Variants in SATB2 observed in about 807,000 individuals in gnomAD.
SATB2 encodes the protein DNA-binding protein SATB2.
Under a neutral mutation model 73.4 loss-of-function variants are expected in SATB2, and 1 was observed. The observed-to-expected ratio is 0.01, with a 90% CI of 0.00 to 0.06. The LOEUF (loss-of-function observed/expected upper bound fraction) is 0.06. Among genes scored for constraint, SATB2 ranks in the 10% least tolerant of loss-of-function variants. The probability of loss-of-function intolerance (pLI) is 1.00; values close to 1 mark genes in which losing one functional copy is unlikely to be tolerated. For synonymous variants in SATB2, 397 were observed against 367.0 expected (o/e 1.08, Z -0.93); for missense variants, 459 against 945.8 (o/e 0.49, Z 6.75).
At chr2:199,458,935 T>C (rs1361028533), upstream of SATB2, among the ~76,000 whole-genome samples, 1 of 151,896 alleles carries the variant, frequency 6.6e-6, no homozygotes, top group African/African-American at 2.4e-5. Context: ...GGAACAATAG[T>C]CGGGGTGTCC....
In SATB2 at chr2:199,364,143, A is replaced by G. The variant is rs568913328; in HGVS notation, c.700+4462T>C. On this transcript the variant is annotated intron_variant, in intron 6 of 10. Transcript: ENST00000417098. ...TCAACTCCAAGGCACCACTTTGTAA[A>G]TGACACAATCATTTTTGAGTACAAG... Among the ~76,000 whole-genome samples the G allele has an allele frequency of 1.2e-4, 19 of 152,350 alleles. No individual in the cohort carries two copies. In the South Asian group the frequency reaches 3.7e-3, roughly 30 times the overall value.
intron 10 of SATB2, among the ~76,000 whole-genome samples, chr2:199,283,663 T>C (rs1457629461): frequency 6.7e-6 from 1 of 149,186 alleles, no homozygotes; most frequent in Admixed American, 6.7e-5. Context: ...AATGCTGGCC[T>C]GCAACAATCA....
chr2:199,463,711 C>T lies in SATB2; in HGVS notation c.-141+1125G>A, dbSNP rs1692531738. Among the ~76,000 whole-genome samples the T allele has an allele frequency of 6.6e-6, 1 of 152,178 alleles. No homozygotes were observed. Among genetic ancestry groups the T allele is most frequent in the Non-Finnish European group, 1.5e-5 (1 of 68,020 alleles). On this transcript the variant is annotated intron_variant, in intron 1 of 11. Coordinates refer to the SATB2 transcript ENST00000260926. The surrounding 1 kb of genome is among the most constrained non-coding windows in gnomAD (Gnocchi z 6.4). ...GTCCCTGGCCCAGGGTACCACCGGG[C>T]CACTCAACACAAAAACGCCCTGGCG...
chr2:199,351,015 C>A (rs1267286274), intron 6 of SATB2, among the ~76,000 whole-genome samples: 1 of 131,686 alleles, frequency 7.6e-6, no homozygotes, highest in African/African-American at 3.0e-5. Context: ...GAGTGACGAG[C>A]GAGACTCTGT....
Position 199,414,343 on chromosome 2 carries a change from T to C in SATB2, c.346+18995A>G, listed in dbSNP as rs138596135. Among the ~76,000 whole-genome samples, 326 of 152,330 alleles carry C rather than the reference T, an allele frequency of 2.1e-3. 2 individuals carry two copies. Among genetic ancestry groups the C allele is most frequent in the African/African-American group, 7.4e-3 (306 of 41,568 alleles). On this transcript the variant is annotated intron_variant, in intron 3 of 10. Transcript: ENST00000417098. ...GTCTTCATGATAGCCACGGTACTTG[T>C]GTGCTCTCGTAGGCAAGGGCACCTT...
intron 2 of SATB2, among the ~76,000 whole-genome samples, chr2:199,448,837 T>C (rs1692042075): frequency 6.6e-6 from 1 of 152,152 alleles, no homozygotes. Flanking sequence ...AATAACCAAC[T>C]GTACTACGAT....
chr2:199,400,837 T>A (rs1690449551), intron 3 of SATB2, among the ~76,000 whole-genome samples: 1 of 152,160 alleles, frequency 6.6e-6, no homozygotes, highest in South Asian at 2.1e-4. Context: ...CCAAGATCTC[T>A]TCTATATTAT....
At chr2:199,381,213 G>GT (rs1261468554) in intron 4 of SATB2, among the ~76,000 whole-genome samples, 1 of 152,026 alleles carries the variant, frequency 6.6e-6, no homozygotes, top group African/African-American at 2.4e-5. Flanking sequence ...TTGTTTGTTT[G>GT]TTTGTTTTGA....
At chr2:199,459,471 G>A (rs1375977014), upstream of SATB2, among the ~76,000 whole-genome samples, 1 of 152,176 alleles carries the variant, frequency 6.6e-6, no homozygotes, top group African/African-American at 2.4e-5. This position sits in a 1 kb window ranked among gnomAD's most constrained non-coding sequence, Gnocchi z 4.2. Flanking sequence ...CACGTGGGCA[G>A]GGGCCGCAGC....
In SATB2 at chr2:199,306,459, CTT is replaced by C. The variant is rs573451815; in HGVS notation, c.1740+2299_1740+2300del. 6.4e-4 allele frequency among the ~76,000 whole-genome samples: 98 copies of C among 152,246 alleles called. 1 individual carries two copies. Among genetic ancestry groups the C allele is most frequent in the African/African-American group, 1.7e-3 (71 of 41,566 alleles). On this transcript the variant is annotated intron_variant, in intron 10 of 10. Coordinates refer to ENST00000417098, the MANE Select transcript of SATB2 (RefSeq NM_001172509.2). ...GAGAAAATTACCTAATTTGTAAACT[CTT>C]TAGCTAAGGTCTGAGTGATGGAAAT...
intron 3 of SATB2, among the ~76,000 whole-genome samples, chr2:199,411,771 GATA>G (rs1285362952): frequency 6.6e-6 from 1 of 152,170 alleles, no homozygotes; most frequent in African/African-American, 2.4e-5. Context: ...GGAGAAAAGA[GATA>G]AGTAAACAGA....
At chr2:199,398,884 G>C (rs1432950515) in intron 3 of SATB2, among the ~76,000 whole-genome samples, 1 of 152,194 alleles carries the variant, frequency 6.6e-6, no homozygotes, top group Non-Finnish European at 1.5e-5. Flanking sequence ...GTGGGTAAGA[G>C]AGTAACTCCT....
chr2:199,336,582 G>C (rs1688343584), intron 7 of SATB2, among the ~76,000 whole-genome samples: 1 of 152,184 alleles, frequency 6.6e-6, no homozygotes, highest in South Asian at 2.1e-4. Context: ...TTCTGAAACA[G>C]TTACAAAATA....
At chr2:199,318,807 T>C (rs867941383) in intron 9 of SATB2, among the ~76,000 whole-genome samples, 11 of 151,292 alleles carry the variant, frequency 7.3e-5, no homozygotes, top group African/African-American at 2.2e-4. Flanking sequence ...ATTTTTCTTT[T>C]ATATAAAAAG....
At chr2:199,404,798 C>G (rs1362098276) in intron 3 of SATB2, among the ~76,000 whole-genome samples, 4 of 152,200 alleles carry the variant, frequency 2.6e-5, no homozygotes, top group African/African-American at 4.8e-5. Flanking sequence ...GAATACCAGA[C>G]TACCCTTTTT....
chr2:199,470,455 G>A (rs1298115306), intron 1 of SATB2: 2 of 152,276 alleles, frequency 1.3e-5, no homozygotes, highest in Non-Finnish European at 2.9e-5. Flanking sequence ...GAGGTTGGGT[G>A]ACACCCACTG....
intron 10 of SATB2, among the ~76,000 whole-genome samples, chr2:199,281,037 C>T (rs1692473106): frequency 6.6e-6 from 1 of 152,208 alleles, no homozygotes; most frequent in Admixed American, 6.5e-5. Flanking sequence ...TCTCTTTGTA[C>T]TCTGTCCCTT....
intron 3 of SATB2, among the ~76,000 whole-genome samples, chr2:199,418,227 C>A (rs1456021687): frequency 6.6e-6 from 1 of 152,160 alleles, no homozygotes; most frequent in African/African-American, 2.4e-5. Context: ...GGCAGAGAAT[C>A]GCAGAGCTGG....
At chr2:199,350,972 G>A (rs1688798204) in intron 6 of SATB2, among the ~76,000 whole-genome samples, 1 of 147,566 alleles carries the variant, frequency 6.8e-6, no homozygotes, top group Non-Finnish European at 1.5e-5. Context: ...AAAGGTTGCA[G>A]TGAGTAGAAA....
Sources: allele counts gnomAD v4.1 joint callset (sites outside exome capture counted in the v4.1 genomes callset), GRCh38; gene constraint gnomAD v4.1.1; non-coding constraint Gnocchi (gnomAD v3.1); transcripts MANE v1.5; gene names NCBI Gene and HGNC (gene_info 2026-07-23, HGNC 2026-07-21).